Variants in G6PC2 observed in about 807,000 individuals in gnomAD.
G6PC2 encodes the protein glucose-6-phosphatase 2.
Under a neutral mutation model 35.4 loss-of-function variants are expected in G6PC2, and 41 were observed. The ratio of observed to expected loss-of-function variants is 1.16; its 90% CI spans 0.90 to 1.50. G6PC2 has a LOEUF of 1.50. Among genes scored for constraint, G6PC2 ranks in the 40% most tolerant of loss-of-function variants. G6PC2 has a pLI of 0.00. For synonymous variants in G6PC2, 165 were observed against 153.2 expected, an observed-to-expected ratio of 1.08 and a Z score of -0.57; for missense variants, 441 against 426.5, an observed-to-expected ratio of 1.03 and a Z score of -0.30.
In G6PC2 at chr2:168,908,840, AC is replaced by A. The variant is rs1690787937; in HGVS notation, c.*763del. On this transcript the variant is annotated 3_prime_UTR_variant, in exon 5 of 5. Transcript: ENST00000375363. ...CCATTAGCTAAGACTACAGGTGTGCACCACCATGCCTGGCTAATTTTTGAAT... is the reference window on the plus strand; with the variant it reads ...CCATTAGCTAAGACTACAGGTGTGCACACCATGCCTGGCTAATTTTTGAAT... 6.6e-6 allele frequency: 1 copy of A among 152,240 alleles called. No homozygotes were observed. The highest frequency in any genetic ancestry group is 1.9e-4 in the East Asian group (1 of 5,162). The allele number at this position is 152,240 out of a possible 1,614,324, so 9.4% of individuals were successfully genotyped here.
chr2:168,907,666 G>A lies in G6PC2; in HGVS notation c.655G>A (p.Val219Ile). 1 of 1,613,676 alleles carries A rather than the reference G, an allele frequency of 6.2e-7. No individual in the cohort carries two copies. Among genetic ancestry groups the A allele is most frequent in the Non-Finnish European group, 8.5e-7 (1 of 1,179,886 alleles). ...KTNLFLFLFA[V>I]GFYLLLRVLN... ...CAACCTCTTTCTCTTCCTGTTTGCA[G>A]TTGGCTTTTACCTGCTTCTTAGGGT... The change falls in exon 5 of 5, where the codon GTT (valine) becomes ATT (isoleucine). Residue 219 changes from valine to isoleucine, a missense_variant. Val to Ile is a conservative substitution (Grantham distance 29). Coordinates refer to ENST00000375363, the MANE Select transcript of G6PC2 (RefSeq NM_021176.3).
intron 3 of G6PC2, among the ~76,000 whole-genome samples, chr2:168,906,295 T>C (rs1199186070): frequency 1.3e-5 from 2 of 152,030 alleles, no homozygotes; most frequent in African/African-American, 4.8e-5. Flanking sequence ...GGCGTGAAAA[T>C]ATATATGGTT....
chr2:168,906,964 C>A (rs1317486428), intron 4 of G6PC2, among the ~76,000 whole-genome samples, 185 bp downstream of exon 4: 1 of 152,148 alleles, frequency 6.6e-6, no homozygotes. Context: ...CCTCCATGTA[C>A]AAAGTGGCAC....
chr2:168,906,270 A>G lies in G6PC2; in HGVS notation c.441-394A>G, dbSNP rs564752388. 2.4e-4 allele frequency among the ~76,000 whole-genome samples: 37 copies of G among 152,218 alleles called. 1 individual carries two copies. The highest frequency in any genetic ancestry group is 7.9e-4 in the African/African-American group (33 of 41,554). On this transcript the variant is annotated intron_variant, in intron 3 of 4. Transcript: ENST00000375363. ...TCAAGCAAAGAAAGGTTGAGAGAGGAGGCACATAGGGCAGGGCGTGAAAAT... is the reference window on the plus strand; with the variant it reads ...TCAAGCAAAGAAAGGTTGAGAGAGGGGGCACATAGGGCAGGGCGTGAAAAT...
intron 1 of G6PC2, among the ~76,000 whole-genome samples, 188 bp downstream of exon 1, chr2:168,901,737 G>T (rs188915830): frequency 0.011 from 1,428 of 130,412 alleles, 28 homozygotes; most frequent in African/African-American, 0.033. Flanking sequence ...ATATGTTTTT[G>T]TTTTTTTTTT....
rs199741621 is a variant in G6PC2, at chr2:168,902,472, G to T, written c.246G>T (p.Trp82Cys). The change falls in exon 2 of 5, where the codon TGG becomes TGT. Residue 82 changes from tryptophan to cysteine, a missense_variant. Trp to Cys is a radical substitution (Grantham distance 215). Transcript: ENST00000375363. ...KWILFGHRPY[W>C]WVQETQIYPN... Reference sequence around the variant, plus strand: ...TATTATTTGGTCATCGACCTTACTGGTGGGTCCAAGAAACTCAGATTTACC... The same window carrying T: ...TATTATTTGGTCATCGACCTTACTGTTGGGTCCAAGAAACTCAGATTTACC... The T allele has an allele frequency of 2.0e-6, 3 of 1,535,026 alleles. No individual in the cohort carries two copies. The highest frequency in any genetic ancestry group is 2.7e-5 in the African/African-American group (2 of 73,450).
chr2:168,904,563 T>G lies in G6PC2; in HGVS notation c.387T>G (p.Ala129=), dbSNP rs113797190. 227 of 1,613,070 alleles carry G rather than the reference T, an allele frequency of 1.4e-4. 1 individual carries two copies. In the African/African-American group the frequency reaches 2.5e-3, roughly 17 times the overall value. Residue 129 remains alanine (A), a synonymous_variant, in exon 3 of 5, where the codon GCT becomes GCG. Transcript: ENST00000375363. ...ASCVWYVMVT[A]ALSHTVCGMD... is the part of the protein sequence containing the mutation. ...GTGTCTGGTATGTCATGGTAACCGCTGCCCTGAGCCACACTGTCTGTGGGA... is the reference window on the plus strand; with the variant it reads ...GTGTCTGGTATGTCATGGTAACCGCGGCCCTGAGCCACACTGTCTGTGGGA...
chr2:168,907,497 T>C (rs1479975947), intron 4 of G6PC2, 71 bp from the exon 5 acceptor site: 2 of 1,429,712 alleles, frequency 1.4e-6, no homozygotes, highest in Non-Finnish European at 2.0e-6. Context: ...AAATCTTTAA[T>C]GCAGAGAGGA....
At position 168,904,498 on chromosome 2, in the gene G6PC2, G is replaced by T. The variant is rs1335189181; in HGVS notation, c.329-7G>T. On this transcript the variant is annotated splice_region_variant and splice_polypyrimidine_tract_variant and intron_variant, in intron 2 of 4. Transcript: ENST00000375363. ...TTTTCAAATGGACGGACACTTTGTT[G>T]TTGCAGGAAGTCCATCTGGCCATGC... 9 of 1,490,998 alleles carry T rather than the reference G, an allele frequency of 6.0e-6. No individual in the cohort carries two copies. Among genetic ancestry groups the T allele is most frequent in the Non-Finnish European group, 8.4e-6 (9 of 1,067,944 alleles). 92.4% of individuals were successfully genotyped at this position (1,490,998 alleles called of 1,614,324 possible).
At chr2:168,907,535 C>T in intron 4 of G6PC2, 33 bp from the exon 5 acceptor site, 1 of 1,608,984 alleles carries the variant, frequency 6.2e-7, no homozygotes, top group Middle Eastern at 1.7e-4. Flanking sequence ...CAAGGGCACA[C>T]AGTCATTGTC....
intron 4 of G6PC2, 42 bp from the exon 5 acceptor site, chr2:168,907,526 A>T: frequency 6.3e-7 from 1 of 1,595,064 alleles, no homozygotes; most frequent in South Asian, 1.1e-5. Context: ...CGAGGGGCTC[A>T]AGGGCACACA....
In G6PC2 at chr2:168,902,525, A is replaced by C. The variant is rs1690621799; in HGVS notation, c.299A>C (p.Gln100Pro). The change falls in exon 2 of 5, where the codon CAG (glutamine) becomes CCG (proline). Residue 100 changes from glutamine (Q) to proline (P), a missense_variant. Gln to Pro is a moderately conservative substitution (Grantham distance 76, BLOSUM62 -1). Coordinates refer to ENST00000375363, the MANE Select transcript of G6PC2 (RefSeq NM_021176.3). ...YPNHSSPCLE[Q>P]FPTTCETGPG... is the part of the protein sequence containing the mutation. ...AATCACTCAAGTCCATGCCTTGAAC[A>C]GTTCCCTACTACATGTGAAACAGGT... The C allele has an allele frequency of 2.6e-6, 4 of 1,549,820 alleles. No individual in the cohort carries two copies. Among genetic ancestry groups the C allele is most frequent in the Non-Finnish European group, 3.6e-6 (4 of 1,121,462 alleles).
At chr2:168,903,235 T>C (rs1690637981) in intron 2 of G6PC2, among the ~76,000 whole-genome samples, 1 of 152,240 alleles carries the variant, frequency 6.6e-6, no homozygotes, top group South Asian at 2.1e-4. Flanking sequence ...ATGTGTTATA[T>C]TGTACCTCAT....
rs763810954 is a variant in G6PC2, at chr2:168,907,835, C to G, written c.824C>G (p.Ser275Ter). The change falls in exon 5 of 5, where the codon TCA (serine) becomes TGA (stop). Residue 275 changes from serine to a stop codon, truncating the protein, a stop_gained. Transcript: ENST00000375363. LOFTEE classifies it high-confidence loss of function. ...VLFGLGFAINSEMFLLSCRGG... is the reference protein window; with the variant it reads ...VLFGLGFAIN ...TTTGGCTTGGGCTTTGCAATCAACTCAGAGATGTTCCTCCTGAGCTGCCGA... is the reference window on the plus strand; with the variant it reads ...TTTGGCTTGGGCTTTGCAATCAACTGAGAGATGTTCCTCCTGAGCTGCCGA... The G allele has an allele frequency of 6.2e-7, 1 of 1,614,126 alleles. No individual in the cohort carries two copies. The highest frequency in any genetic ancestry group is 1.1e-5 in the South Asian group (1 of 91,060).
intron 3 of G6PC2, 33 bp from the exon 4 acceptor site, chr2:168,906,631 C>T: frequency 9.3e-7 from 1 of 1,071,642 alleles, no homozygotes; most frequent in Non-Finnish European, 1.5e-6. Context: ...AGTTTCTTTG[C>T]TTTTTATGCT....
At position 168,902,537 on chromosome 2, in the gene G6PC2, C is replaced by A; in HGVS notation, c.311C>A (p.Thr104Lys). 2.7e-6 allele frequency: 4 copies of A among 1,485,352 alleles called. No individual in the cohort carries two copies. Among genetic ancestry groups the A allele is most frequent in the East Asian group, 2.3e-5 (1 of 44,302 alleles). The allele number at this position is 1,485,352 out of a possible 1,614,324, so 92.0% of individuals were successfully genotyped here. ...SSPCLEQFPTTCETGPGSPSG... is the reference protein window; with the variant it reads ...SSPCLEQFPTKCETGPGSPSG... ...CCATGCCTTGAACAGTTCCCTACTA[C>A]ATGTGAAACAGGTCCAGGTAAGCTA... Residue 104 changes from threonine (T) to lysine (K), a missense_variant, in exon 2 of 5, where the codon ACA becomes AAA. Coordinates refer to ENST00000375363, the MANE Select transcript of G6PC2 (RefSeq NM_021176.3).
Position 168,902,451 on chromosome 2 carries a change from A to T in G6PC2, c.225A>T (p.Leu75Phe). Residue 75 changes from leucine to phenylalanine, a missense_variant, in exon 2 of 5, where the codon TTA (leucine) becomes TTT (phenylalanine). Transcript: ENST00000375363. ...TATAATTCTTTAAATACAGGATATTATTTGGTCATCGACCTTACTGGTGGG... is the reference window on the plus strand; with the variant it reads ...TATAATTCTTTAAATACAGGATATTTTTTGGTCATCGACCTTACTGGTGGG... ...DWLNLIFKWI[L>F]FGHRPYWWVQ... The T allele has an allele frequency of 7.6e-7, 1 of 1,310,368 alleles. No individual in the cohort carries two copies. The highest frequency in any genetic ancestry group is 1.1e-6 in the Non-Finnish European group (1 of 902,564). The allele number at this position is 1,310,368 out of a possible 1,614,324, so 81.2% of individuals were successfully genotyped here.
In G6PC2 at chr2:168,904,613, A is replaced by T; in HGVS notation, c.437A>T (p.His146Leu). The T allele has an allele frequency of 6.5e-7, 1 of 1,540,658 alleles. No individual in the cohort carries two copies. The highest frequency in any genetic ancestry group is 9.0e-7 in the Non-Finnish European group (1 of 1,112,838). Residue 146 changes from histidine (H) to leucine (L), a missense_variant, in exon 3 of 5, where the codon CAC becomes CTC. Transcript: ENST00000375363. ...CGMDKFSITL[H>L]RLTWSFLWSV... ...ATGGATAAGTTCTCTATCACTCTGC[A>T]CAGGTCAGCTTTGCTGCAGTTTCTG...
In G6PC2 at chr2:168,907,848, C is replaced by G; in HGVS notation, c.837C>G (p.Leu279=). Residue 279 remains leucine (L), a synonymous_variant, in exon 5 of 5, where the codon CTC becomes CTG. Coordinates refer to ENST00000375363, the MANE Select transcript of G6PC2 (RefSeq NM_021176.3). ...TTGCAATCAACTCAGAGATGTTCCT[C>G]CTGAGCTGCCGAGGGGGAAATAACT... is the stretch of plus-strand genomic sequence containing the variant. ...LGFAINSEMF[L]LSCRGGNNYT... 4.3e-6 allele frequency: 7 copies of G among 1,614,064 alleles called. No individual in the cohort carries two copies. The highest frequency in any genetic ancestry group is 5.9e-6 in the Non-Finnish European group (7 of 1,179,948).
Sources: allele counts gnomAD v4.1 joint callset (sites outside exome capture counted in the v4.1 genomes callset), GRCh38; gene constraint gnomAD v4.1.1; transcripts MANE v1.5; gene names NCBI Gene and HGNC (gene_info 2026-07-23, HGNC 2026-07-21).